The following OPHN1 variants were observed in gnomAD, a reference collection of about 807,000 sequenced individuals.
The protein encoded by OPHN1 is oligophrenin 1.
OPHN1 carries 11 observed loss-of-function variants against 60.7 expected under a neutral mutation model. The observed-to-expected ratio is 0.18, with a 90% CI of 0.11 to 0.30. The LOEUF (loss-of-function observed/expected upper bound fraction) is 0.30. Among genes scored for constraint, OPHN1 ranks in the 10% least tolerant of loss-of-function variants. OPHN1 has a pLI of 1.00. For synonymous variants in OPHN1, 226 were observed against 222.6 expected (o/e 1.02, Z -0.14); for missense variants, 449 against 611.0 (o/e 0.73, Z 2.80).
At chrX:68,411,374 G>A (rs932106742) in intron 2 of OPHN1, among the ~76,000 whole-genome samples, 3 of 112,185 alleles carry the variant, frequency 2.7e-5, no homozygotes, top group Non-Finnish European at 5.6e-5. Flanking sequence ...ACTGCTTTCC[G>A]AAGTGGCTGA....
chrX:68,288,613 A>T (rs1972513009), intron 3 of OPHN1, among the ~76,000 whole-genome samples: 1 of 110,060 alleles, frequency 9.1e-6, no homozygotes, highest in Non-Finnish European at 1.9e-5. Context: ...AAAATACAAA[A>T]ATTAGCCGAG....
At chrX:68,400,419 TA>T (rs944491375) in intron 2 of OPHN1, among the ~76,000 whole-genome samples, 1 of 109,128 alleles carries the variant, frequency 9.2e-6, no homozygotes, top group Non-Finnish European at 1.9e-5. Context: ...CACACTGCTA[TA>T]AAAAAAATGC....
At chrX:68,345,757 T>C (rs1218467968) in intron 2 of OPHN1, among the ~76,000 whole-genome samples, 5 of 112,276 alleles carry the variant, frequency 4.5e-5, no homozygotes, top group African/African-American at 1.6e-4. Context: ...AATTCAAATA[T>C]GTATACAATT....
At chrX:68,347,360 A>G (rs2078383940) in intron 2 of OPHN1, among the ~76,000 whole-genome samples, 1 of 104,204 alleles carries the variant, frequency 9.6e-6, no homozygotes, top group African/African-American at 3.8e-5. Flanking sequence ...CCTGTCACCC[A>G]GGCTGGAGTG....
chrX:68,207,704 A>G (rs768632482), intron 9 of OPHN1, among the ~76,000 whole-genome samples: 2 of 111,478 alleles, frequency 1.8e-5, no homozygotes, highest in East Asian at 5.7e-4. Context: ...AACATGATCA[A>G]AACTTACCTT....
intron 7 of OPHN1, among the ~76,000 whole-genome samples, chrX:68,213,344 A>G (rs2077593329): frequency 8.9e-6 from 1 of 111,834 alleles, no homozygotes; most frequent in Admixed American, 9.5e-5. Flanking sequence ...TTTGGGTGAC[A>G]GTGAGACCCT....
At chrX:68,424,233 C>A (rs1254463098) in intron 2 of OPHN1, among the ~76,000 whole-genome samples, 2 of 111,234 alleles carry the variant, frequency 1.8e-5, no homozygotes, top group Non-Finnish European at 3.8e-5. Context: ...TCTTCATACT[C>A]TTCTCACAAT....
intron 19 of OPHN1, among the ~76,000 whole-genome samples, chrX:68,088,725 T>G (rs2077004736): frequency 1.8e-5 from 2 of 110,478 alleles, no homozygotes; most frequent in Non-Finnish European, 3.8e-5. Context: ...CTTGAAACAT[T>G]TATCTCAATG....
chrX:68,265,880 T>C (rs1352326886), intron 5 of OPHN1, among the ~76,000 whole-genome samples: 1 of 111,317 alleles, frequency 9.0e-6, no homozygotes, highest in East Asian at 2.8e-4. Context: ...ACATGATGAA[T>C]GCACAAGCCT....
At chrX:68,062,082 A>G (rs2076895313) in intron 21 of OPHN1, among the ~76,000 whole-genome samples, 1 of 111,998 alleles carries the variant, frequency 8.9e-6, no homozygotes, top group African/African-American at 3.2e-5. Context: ...TTTGGAACCA[A>G]ACCTGTGACA....
At chrX:68,393,897 T>TTTTTTTTG (rs2078668165) in intron 2 of OPHN1, among the ~76,000 whole-genome samples, 2 of 74,715 alleles carry the variant, frequency 2.7e-5, no homozygotes, top group Non-Finnish European at 5.3e-5. Context: ...TTTTTTTTTT[T>TTTTTTTTG]TTTTTTTTTT....
chrX:68,253,518 T>C (rs1266658541), intron 5 of OPHN1, among the ~76,000 whole-genome samples: 2 of 112,093 alleles, frequency 1.8e-5, no homozygotes, highest in East Asian at 5.6e-4. Context: ...GTCAGTCACT[T>C]AACCTTCTAA....
chrX:68,210,010 TCAGTA>T lies in OPHN1; in HGVS notation c.832+138_832+142del, dbSNP rs747365687. On this transcript the variant is annotated intron_variant, in intron 9 of 24. Coordinates refer to ENST00000355520, the MANE Select transcript of OPHN1 (RefSeq NM_002547.3). ...GTTTCTCCTTTTTTTTTTTTTGTTT[TCAGTA>T]TTCCCTGCCTGCGTTCCAAGGGAAT... is the stretch of plus-strand genomic sequence containing the variant. 7 of 577,200 alleles carry T rather than the reference TCAGTA, an allele frequency of 1.2e-5. No homozygotes were observed. In the Admixed American group the frequency reaches 2.0e-4, roughly 17 times the overall value. 47.6% of individuals were successfully genotyped at this position (577,200 alleles called of 1,213,427 possible). A position where few individuals can be genotyped will look rare whatever the true frequency, so the allele number is the denominator to read the frequency against.
At chrX:68,347,830 G>A (rs1372878332) in intron 2 of OPHN1, among the ~76,000 whole-genome samples, 2 of 105,043 alleles carry the variant, frequency 1.9e-5, no homozygotes, top group Non-Finnish European at 3.8e-5. Flanking sequence ...GGTCAGTCAG[G>A]CTAATGTGTG....
intron 2 of OPHN1, among the ~76,000 whole-genome samples, chrX:68,333,288 T>C (rs1025404002): frequency 9.2e-6 from 1 of 108,744 alleles, no homozygotes; most frequent in African/African-American, 3.4e-5. Context: ...ATAGAATGCA[T>C]GCAAATGTCA....
intron 2 of OPHN1, among the ~76,000 whole-genome samples, chrX:68,323,075 T>C (rs1462047835): frequency 9.0e-6 from 1 of 111,596 alleles, no homozygotes; most frequent in African/African-American, 3.3e-5. Context: ...GATATTTGTG[T>C]TGATGAAATC....
chrX:68,068,113 T>C (rs961908278), intron 20 of OPHN1, among the ~76,000 whole-genome samples: 1 of 111,277 alleles, frequency 9.0e-6, no homozygotes, highest in Admixed American at 9.5e-5. Flanking sequence ...AGACAGACTA[T>C]ACAAAGTATT....
intron 2 of OPHN1, among the ~76,000 whole-genome samples, chrX:68,328,613 T>C (rs1383928923): frequency 8.9e-6 from 1 of 111,972 alleles, no homozygotes; most frequent in Non-Finnish European, 1.9e-5. Context: ...ATTAACAGTA[T>C]AGTTGACTTT....
At chrX:68,393,651 TC>T (rs1326102882) in intron 2 of OPHN1, among the ~76,000 whole-genome samples, 2 of 111,096 alleles carry the variant, frequency 1.8e-5, no homozygotes, top group African/African-American at 6.5e-5. Flanking sequence ...ACTTTAAATG[TC>T]CCTTTTTTAT....
Sources: allele counts gnomAD v4.1 joint callset (sites outside exome capture counted in the v4.1 genomes callset), GRCh38; gene constraint gnomAD v4.1.1; transcripts MANE v1.5; gene names NCBI Gene and HGNC (gene_info 2026-07-23, HGNC 2026-07-21).